The following RABL2A variants were observed in gnomAD, a reference collection of about 807,000 sequenced individuals.
RABL2A encodes RAB, member of RAS oncogene family like 2A, also known as rab-like protein 2A.
A neutral mutation model predicts 30.7 loss-of-function variants in RABL2A; 17 were observed. That is an observed-to-expected ratio of 0.55 (90% CI 0.38 to 0.83). The LOEUF (loss-of-function observed/expected upper bound fraction) is 0.83, where lower values mean the gene tolerates loss of function less well. RABL2A is among the 40% of genes least tolerant of loss of function. The pLI, the probability that RABL2A is intolerant of heterozygous loss-of-function variation, is 0.00. For synonymous variants in RABL2A, 64 were observed against 101.8 expected (o/e 0.63, Z 2.24); for missense variants, 155 against 272.6 (o/e 0.57, Z 3.04).
intron 3 of RABL2A, 155 bp downstream of exon 3, chr2:113,633,099 T>C (rs1681075399): frequency 1.7e-6 from 2 of 1,178,510 alleles, no homozygotes; most frequent in Non-Finnish European, 2.5e-6. Flanking sequence ...ACTTGTTTCT[T>C]GCCGATTGAC....
chr2:113,633,384 A>C (rs1681179805), intron 3 of RABL2A: 1 of 295,864 alleles, frequency 3.4e-6, no homozygotes, highest in Admixed American at 4.7e-5. Flanking sequence ...TTCTCCCATG[A>C]ATTGTTATAT....
At chr2:113,636,994 A>T (rs1683084025) in intron 5 of RABL2A, among the ~76,000 whole-genome samples, 1 of 109,594 alleles carries the variant, frequency 9.1e-6, no homozygotes, top group Non-Finnish European at 1.8e-5. Flanking sequence ...GTCTCAAAAA[A>T]AATAAAAAAA....
chr2:113,631,253 T>G (rs573272736), intron 2 of RABL2A, among the ~76,000 whole-genome samples: 1 of 152,336 alleles, frequency 6.6e-6, no homozygotes, highest in Admixed American at 6.5e-5. Context: ...ATGTGTTGTC[T>G]TTTTTCTTTG....
intron 5 of RABL2A, chr2:113,638,436 G>A (rs1283374034): frequency 1.0e-6 from 1 of 985,236 alleles, no homozygotes; most frequent in Non-Finnish European, 1.2e-6. Flanking sequence ...GTTGTACTAG[G>A]GCAGTTTGGG....
At chr2:113,637,007 A>AT (rs1412110315) in intron 5 of RABL2A, among the ~76,000 whole-genome samples, 8 of 139,906 alleles carry the variant, frequency 5.7e-5, no homozygotes, top group African/African-American at 2.3e-4. Context: ...TAAAAAAATA[A>AT]AAAAATAAAG....
At chr2:113,639,247 C>T (rs1258129371) in intron 5 of RABL2A, among the ~76,000 whole-genome samples, 4 of 152,132 alleles carry the variant, frequency 2.6e-5, no homozygotes, top group African/African-American at 7.2e-5. Context: ...GATTCTGCCA[C>T]TGCACTCCAG....
intron 5 of RABL2A, 130 bp from the exon 6 acceptor site, chr2:113,640,764 G>C: frequency 4.0e-6 from 6 of 1,512,676 alleles, no homozygotes; most frequent in Non-Finnish European, 5.4e-6. Context: ...CAGAGAGGCT[G>C]CAATTCAGAG....
intron 2 of RABL2A, among the ~76,000 whole-genome samples, 185 bp downstream of exon 2, chr2:113,628,898 G>A (rs1396777286): frequency 6.6e-5 from 10 of 152,268 alleles, no homozygotes; most frequent in African/African-American, 2.4e-4. Flanking sequence ...GGGTGGAGGG[G>A]GCAGGTCATA....
At chr2:113,634,629 C>T (rs1400028799) in intron 4 of RABL2A, 2 of 404,330 alleles carry the variant, frequency 4.9e-6, no homozygotes, top group South Asian at 2.3e-5. Context: ...CATCGGGCTG[C>T]GACCTTCCAT....
chr2:113,635,111 A>G lies in RABL2A; in HGVS notation c.278A>G (p.Lys93Arg), dbSNP rs1446513522. 1 of 1,614,092 alleles carries G rather than the reference A, an allele frequency of 6.2e-7. No homozygotes were observed. Among genetic ancestry groups the G allele is most frequent in the African/African-American group, 1.3e-5 (1 of 74,932 alleles). The change falls in exon 5 of 9, where the codon AAG becomes AGG. Residue 93 changes from lysine (K) to arginine (R), a missense_variant. Transcript: ENST00000683472. ...AGCATGCATGCCTCCTACTACCACA[A>G]GGCCCATGCCTGCATCATGGTACGA... is the stretch of plus-strand genomic sequence containing the variant. ...FQSMHASYYH[K>R]AHACIMVFDI...
intron 2 of RABL2A, among the ~76,000 whole-genome samples, chr2:113,631,581 G>A (rs528956304): frequency 2.0e-5 from 3 of 152,128 alleles, no homozygotes; most frequent in South Asian, 4.2e-4. Flanking sequence ...TAGAGCCTCC[G>A]GAGGTAGGCC....
At chr2:113,640,799 C>T in intron 5 of RABL2A, 95 bp from the exon 6 acceptor site, 1 of 1,591,308 alleles carries the variant, frequency 6.3e-7, no homozygotes, top group Non-Finnish European at 8.6e-7. Flanking sequence ...GCACCATGTG[C>T]TCATGCTTAC....
chr2:113,634,988 G>A (rs1681968077), intron 4 of RABL2A, 63 bp from the exon 5 acceptor site: 1 of 1,611,724 alleles, frequency 6.2e-7, no homozygotes, highest in Non-Finnish European at 8.5e-7. Context: ...CATGTGTGTT[G>A]TATCTTAGTG....
intron 2 of RABL2A, among the ~76,000 whole-genome samples, chr2:113,631,827 C>A (rs1232801003): frequency 2.6e-5 from 4 of 151,876 alleles, no homozygotes; most frequent in African/African-American, 9.7e-5. Flanking sequence ...CATGTGCCCT[C>A]TCAAGACAGT....
intron 5 of RABL2A, 186 bp from the exon 6 acceptor site, chr2:113,640,708 C>T: frequency 2.9e-6 from 2 of 680,312 alleles, no homozygotes; most frequent in South Asian, 1.9e-5. Context: ...ATTTTCGCAT[C>T]TGGAGGCTCC....
intron 2 of RABL2A, among the ~76,000 whole-genome samples, chr2:113,629,010 G>C (rs1340496684): frequency 2.5e-4 from 38 of 149,256 alleles, no homozygotes; most frequent in South Asian, 1.7e-3. Context: ...GCAAGGGCGG[G>C]GAGTGGGAAT....
At chr2:113,640,775 C>T (rs1307048865) in intron 5 of RABL2A, 119 bp from the exon 6 acceptor site, 8 of 1,544,040 alleles carry the variant, frequency 5.2e-6, no homozygotes, top group South Asian at 2.4e-5. Flanking sequence ...CAATTCAGAG[C>T]GTTCCCACAA....
chr2:113,636,980 C>T (rs1251605421), intron 5 of RABL2A, among the ~76,000 whole-genome samples: 2 of 144,012 alleles, frequency 1.4e-5, no homozygotes, highest in Non-Finnish European at 3.0e-5. Flanking sequence ...CAGAGCGAGA[C>T]TCTGTCTCAA....
At chr2:113,635,904 T>G (rs1474817139) in intron 5 of RABL2A, among the ~76,000 whole-genome samples, 3 of 149,024 alleles carry the variant, frequency 2.0e-5, no homozygotes, top group East Asian at 4.0e-4. Flanking sequence ...GTCAGCAGTT[T>G]GAGACCAGCG....
Sources: gnomAD v4.1 joint callset for allele counts (sites outside exome capture counted in the v4.1 genomes callset) on GRCh38, gnomAD v4.1.1 for gene constraint, MANE v1.5 for transcripts, NCBI Gene and HGNC (gene_info 2026-07-23, HGNC 2026-07-21) for gene names.